Variants in PIGN observed in about 807,000 individuals in gnomAD.
The protein encoded by PIGN is phosphatidylinositol glycan anchor biosynthesis class N, also known as GPI ethanolamine phosphate transferase 1.
PIGN carries 117 observed loss-of-function variants against 125.4 expected under a neutral mutation model. That is an observed-to-expected ratio of 0.93 (90% CI 0.80 to 1.09). PIGN has a LOEUF of 1.09. Among genes scored for constraint, PIGN ranks in the 50% least tolerant of loss-of-function variants. PIGN has a pLI of 0.00. For missense variants in PIGN, 1,075 were observed against 1,094.9 expected (o/e 0.98, Z 0.26); for synonymous variants, 392 against 377.8 (o/e 1.04, Z -0.44).
chr18:62,086,621 T>A (rs1295907293), intron 25 of PIGN, among the ~76,000 whole-genome samples: 1 of 149,078 alleles, frequency 6.7e-6, no homozygotes, highest in East Asian at 1.9e-4. Context: ...GTTTTTTGTT[T>A]TTTTTTTTTT....
chr18:62,133,728 A>G (rs945746467), intron 14 of PIGN, among the ~76,000 whole-genome samples: 1 of 152,158 alleles, frequency 6.6e-6, no homozygotes. Flanking sequence ...TCCTTTTCCA[A>G]TTACATATTC....
chr18:62,157,328 A>G (rs2036774877), intron 5 of PIGN, 101 bp from the exon 6 acceptor site: 2 of 595,594 alleles, frequency 3.4e-6, no homozygotes, highest in Admixed American at 3.0e-5. Flanking sequence ...GTCAGTGAAT[A>G]AATGCAAAAC....
rs1370723926 is a variant in PIGN, at chr18:62,045,005, T to G, written c.*851A>C. The stretch of plus-strand genomic sequence containing the variant: ...ATTCTTATGATATTGTCAGAAAGTT[T>G]AACAGGAGTTATTTTAACTCCTGTT... On this transcript the variant is annotated 3_prime_UTR_variant, in exon 31 of 31. Coordinates refer to ENST00000640252, the MANE Select transcript of PIGN (RefSeq NM_176787.5). 6.6e-6 allele frequency: 1 copy of G among 152,148 alleles called. No homozygotes were observed. Among genetic ancestry groups the G allele is most frequent in the Admixed American group, 6.5e-5 (1 of 15,282 alleles). 9.4% of individuals were successfully genotyped at this position (152,148 alleles called of 1,614,324 possible).
In PIGN at chr18:62,161,291, G is replaced by T; in HGVS notation, c.63C>A (p.Asp21Glu). The change falls in exon 4 of 31, where the codon GAC (aspartate) becomes GAA (glutamate). Residue 21 changes from aspartate (D) to glutamate (E), a missense_variant. Asp to Glu is a conservative substitution (Grantham distance 45). This residue lies in a region of PIGN where 152 missense variants were observed against 162.9 expected (regional missense o/e 0.93). Transcript: ENST00000640252. ...GAACCAAAGGAGATGTAAAATAAAT[G>T]TCAAAGATGGAGGCGAAGAACACAA... is the stretch of plus-strand genomic sequence containing the variant. ...IHFVFFASIF[D>E]IYFTSPLVHG... 1 of 1,613,724 alleles carries T rather than the reference G, an allele frequency of 6.2e-7. No homozygotes were observed. The highest frequency in any genetic ancestry group is 8.5e-7 in the Non-Finnish European group (1 of 1,179,762).
intron 14 of PIGN, among the ~76,000 whole-genome samples, chr18:62,127,634 G>A (rs2035582601): frequency 6.6e-6 from 1 of 152,026 alleles, no homozygotes; most frequent in African/African-American, 2.4e-5. Flanking sequence ...AAGCAATGGT[G>A]CAAGACCTTA....
rs765098602 is a variant in PIGN at position 62,043,277 on chromosome 18, C to A, written c.*2579G>T. On this transcript the variant is annotated 3_prime_UTR_variant, in exon 31 of 31. Coordinates refer to ENST00000640252, the MANE Select transcript of PIGN (RefSeq NM_176787.5). ...ACAGGGTGGCCCTGCAACAGCTACG[C>A]CTGTCCTAGAGACCATACCCACGCA... The A allele has an allele frequency of 6.6e-6, 1 of 152,138 alleles. No homozygotes were observed. Among genetic ancestry groups the A allele is most frequent in the Non-Finnish European group, 1.5e-5 (1 of 68,046 alleles). The allele number at this position is 152,138 out of a possible 1,614,324, so 9.4% of individuals were successfully genotyped here.
At chr18:62,086,956 CAG>C (rs2033736176) in intron 25 of PIGN, among the ~76,000 whole-genome samples, 1 of 152,012 alleles carries the variant, frequency 6.6e-6, no homozygotes, top group Non-Finnish European at 1.5e-5. Context: ...TAAGGCCTGC[CAG>C]AGAGAGTGAC....
In PIGN at chr18:62,114,555, A is replaced by AAATAG; in HGVS notation, c.1251+5_1251+6insCTATT. ...CTATTTATGTCTATAAGGCCGGTATACTTACCACTTCATCAAACTTTCTGT... is the reference window on the plus strand; with the variant it reads ...CTATTTATGTCTATAAGGCCGGTATAAATAGCTTACCACTTCATCAAACTTTCTGT... On this transcript the variant is annotated splice_donor_region_variant and intron_variant, in intron 15 of 30. Coordinates refer to ENST00000640252, the MANE Select transcript of PIGN (RefSeq NM_176787.5). The AAATAG allele has an allele frequency of 3.4e-6, 5 of 1,480,106 alleles. No homozygotes were observed. The highest frequency in any genetic ancestry group is 4.6e-6 in the Non-Finnish European group (5 of 1,081,620). The allele number at this position is 1,480,106 out of a possible 1,614,324, so 91.7% of individuals were successfully genotyped here.
intron 28 of PIGN, among the ~76,000 whole-genome samples, chr18:62,079,627 T>C (rs1433905680): frequency 6.7e-6 from 1 of 150,206 alleles, no homozygotes; most frequent in Middle Eastern, 3.2e-3. Context: ...ACTAACAAAA[T>C]AATGATGGAA....
Position 62,061,698 on chromosome 18 carries a change from G to C in PIGN, c.2672+10975C>G, listed in dbSNP as rs142039740. Among the ~76,000 whole-genome samples the C allele has an allele frequency of 3.1e-3, 465 of 152,190 alleles. 1 individual carries two copies. The highest frequency in any genetic ancestry group is 0.011 in the African/African-American group (439 of 41,516). ...GCAGGAGCACAATTCCAATAACCCC[G>C]GCACCTGTGAAGGGAGCTCTGCCGG... On this transcript the variant is annotated intron_variant, in intron 30 of 30. Coordinates refer to ENST00000640252, the MANE Select transcript of PIGN (RefSeq NM_176787.5).
intron 23 of PIGN, among the ~76,000 whole-genome samples, chr18:62,030,519 G>C (rs183598050): frequency 6.6e-6 from 1 of 152,208 alleles, no homozygotes; most frequent in African/African-American, 2.4e-5. Flanking sequence ...GAAAGTCACA[G>C]AGCTCTATAC....
At chr18:62,049,100 CATT>C (rs1386587717) in intron 30 of PIGN, among the ~76,000 whole-genome samples, 1 of 151,248 alleles carries the variant, frequency 6.6e-6, no homozygotes, top group African/African-American at 2.4e-5. Context: ...TCCAGTCTAT[CATT>C]GTTGGACATT....
chr18:62,022,180 C>T (rs1367792765), intron 23 of PIGN, among the ~76,000 whole-genome samples: 3 of 152,072 alleles, frequency 2.0e-5, no homozygotes, highest in Admixed American at 1.3e-4. Context: ...TGGTACTAAC[C>T]CCACTCAAGG....
At chr18:62,033,718 G>A (rs1001457063) in intron 23 of PIGN, among the ~76,000 whole-genome samples, 3 of 152,048 alleles carry the variant, frequency 2.0e-5, no homozygotes, top group Non-Finnish European at 4.4e-5. Flanking sequence ...CTTGTTGCAC[G>A]TATTGCTCGT....
chr18:62,155,064 T>C (rs1050432496), intron 6 of PIGN, among the ~76,000 whole-genome samples: 1 of 152,192 alleles, frequency 6.6e-6, no homozygotes, highest in Admixed American at 6.5e-5. Context: ...GTACAAACCT[T>C]CTTAACATAA....
intron 17 of PIGN, among the ~76,000 whole-genome samples, chr18:62,108,878 G>A (rs879855652): frequency 2.0e-5 from 3 of 152,180 alleles, no homozygotes; most frequent in Admixed American, 6.5e-5. Context: ...GTGAGCCCTT[G>A]CACCCAGCCA....
In PIGN at chr18:62,045,791, C is replaced by T; in HGVS notation, c.*65G>A. 1 of 1,538,130 alleles carries T rather than the reference C, an allele frequency of 6.5e-7. No homozygotes were observed. The highest frequency in any genetic ancestry group is 8.9e-7 in the Non-Finnish European group (1 of 1,117,540). On this transcript the variant is annotated 3_prime_UTR_variant, in exon 31 of 31. Coordinates refer to ENST00000640252, the MANE Select transcript of PIGN (RefSeq NM_176787.5). ...ATCCATATCCATCTTCTTATTGAAG[C>T]CTTGATGAGATTTTAGCTTAAAAGG...
Position 62,106,662 on chromosome 18 carries a change from T to C in PIGN, c.1767+127A>G, listed in dbSNP as rs2034651215. On this transcript the variant is annotated intron_variant, in intron 19 of 30. Transcript: ENST00000640252. The stretch of plus-strand genomic sequence containing the variant: ...GGTAATGTCAGTCCTCCTATCAATA[T>C]GACTAGGCTCTTTTATGTAAGAACA... 5 of 642,616 alleles carry C rather than the reference T, an allele frequency of 7.8e-6. No homozygotes were observed. In the Admixed American group the frequency reaches 1.2e-4, roughly 15 times the overall value. The allele number at this position is 642,616 out of a possible 1,614,324, so 39.8% of individuals were successfully genotyped here.
chr18:62,139,968 G>A (rs1462683921), intron 12 of PIGN, among the ~76,000 whole-genome samples: 1 of 152,030 alleles, frequency 6.6e-6, no homozygotes, highest in Non-Finnish European at 1.5e-5. Flanking sequence ...TTTAAACGAA[G>A]TCAGTTTTTG....
Sources: allele counts gnomAD v4.1 joint callset (sites outside exome capture counted in the v4.1 genomes callset), GRCh38; gene constraint gnomAD v4.1.1; regional missense constraint gnomAD v4.1.1; transcripts MANE v1.5; gene names NCBI Gene and HGNC (gene_info 2026-07-23, HGNC 2026-07-21).